Variants in OSBPL3 observed in about 807,000 individuals in gnomAD.
OSBPL3 encodes oxysterol-binding protein-related protein 3.
In OSBPL3, 65 loss-of-function variants were observed where a neutral mutation model predicts 120.1. The observed-to-expected ratio is 0.54, with a 90% confidence interval of 0.44 to 0.67. The LOEUF (loss-of-function observed/expected upper bound fraction) is 0.67. Ranked by LOEUF, OSBPL3 falls within the 30% of genes least tolerant of loss-of-function variation. OSBPL3 has a pLI of 0.00. For synonymous variants in OSBPL3, 416 were observed against 402.6 expected (o/e 1.03, Z -0.40); for missense variants, 1,004 against 1,082.1 (o/e 0.93, Z 1.01).
chr7:24,812,806 G>A (rs1033729623), intron 19 of OSBPL3, among the ~76,000 whole-genome samples: 1 of 152,120 alleles, frequency 6.6e-6, no homozygotes, highest in Non-Finnish European at 1.5e-5. Flanking sequence ...GAAATTTAAA[G>A]TTGAGCTCTC....
At position 24,964,116 on chromosome 7, in the gene OSBPL3, T is replaced by C. The variant is rs1464612499; in HGVS notation, c.-150+15770A>G. On this transcript the variant is annotated intron_variant, in intron 1 of 22. Transcript: ENST00000313367. This position sits in a 1 kb window ranked among gnomAD's most constrained non-coding sequence, Gnocchi z 4.2. ...TGGATCCACACTGATTAAAAAAAAC[T>C]GATTGAATAAACAAATGGAGAAGAA... 1.3e-5 allele frequency among the ~76,000 whole-genome samples: 2 copies of C among 151,998 alleles called. No homozygotes were observed. The highest frequency in any genetic ancestry group is 2.9e-5 in the Non-Finnish European group (2 of 67,972).
At chr7:24,919,372 A>T (rs1456205246) in intron 1 of OSBPL3, among the ~76,000 whole-genome samples, 1 of 152,112 alleles carries the variant, frequency 6.6e-6, no homozygotes, top group Non-Finnish European at 1.5e-5. Context: ...TGGTCACTTC[A>T]TTTTTGGAAA....
At chr7:24,924,298 A>C (rs1810767615) in intron 1 of OSBPL3, among the ~76,000 whole-genome samples, 1 of 152,226 alleles carries the variant, frequency 6.6e-6, no homozygotes, top group South Asian at 2.1e-4. Context: ...AGGAGGCCAC[A>C]TTTGGGTGGC....
At position 24,891,857 on chromosome 7, in the gene OSBPL3, T is replaced by C. The variant is rs10256759; in HGVS notation, c.96+520A>G. Reference sequence around the variant, plus strand: ...CCATTATAGATATAAAGCAGGTGAGTCTCGAAGCTACTAACAGGGCAATCT... The same window carrying C: ...CCATTATAGATATAAAGCAGGTGAGCCTCGAAGCTACTAACAGGGCAATCT... On this transcript the variant is annotated intron_variant, in intron 2 of 22. Coordinates refer to ENST00000313367, the MANE Select transcript of OSBPL3 (RefSeq NM_015550.4). This position sits in a 1 kb window ranked among gnomAD's most constrained non-coding sequence, Gnocchi z 4.1. Among the ~76,000 whole-genome samples the C allele has an allele frequency of 6.6e-6, 1 of 151,948 alleles. No individual in the cohort carries two copies. The highest frequency in any genetic ancestry group is 6.6e-5 in the Admixed American group (1 of 15,264).
chr7:24,889,357 G>C (rs759162303), intron 2 of OSBPL3, among the ~76,000 whole-genome samples: 2 of 152,068 alleles, frequency 1.3e-5, no homozygotes, highest in African/African-American at 2.4e-5. Context: ...TAAGTTCTGG[G>C]GATCTAATGT....
chr7:24,866,590 G>A (rs865993042), intron 5 of OSBPL3, among the ~76,000 whole-genome samples: 3 of 152,082 alleles, frequency 2.0e-5, no homozygotes, highest in Admixed American at 6.6e-5. Flanking sequence ...GCAGTGAACC[G>A]AGATTGAGCC....
chr7:24,943,963 T>A (rs1813392564), intron 1 of OSBPL3, among the ~76,000 whole-genome samples: 1 of 151,628 alleles, frequency 6.6e-6, no homozygotes, highest in Non-Finnish European at 1.5e-5. Context: ...GAATTAAGAA[T>A]CCTTTACTTA....
Position 24,806,628 on chromosome 7 carries a change from T to TA in OSBPL3, c.2444+147dup. ...TAGTTGGGCCCCATCTCCTCCGTGA[T>TA]ACAATTGTTTAAAGCATCCCCACCT... On this transcript the variant is annotated intron_variant, in intron 21 of 22. Coordinates refer to ENST00000313367, the MANE Select transcript of OSBPL3 (RefSeq NM_015550.4). This position sits in a 1 kb window ranked among gnomAD's most constrained non-coding sequence, Gnocchi z 5.2. The TA allele has an allele frequency of 1.5e-6, 1 of 653,280 alleles. No individual in the cohort carries two copies. The allele number at this position is 653,280 out of a possible 1,614,324, so 40.5% of individuals were successfully genotyped here.
At chr7:24,956,270 CA>C (rs548238077) in intron 1 of OSBPL3, among the ~76,000 whole-genome samples, 48 of 152,374 alleles carry the variant, frequency 3.2e-4, no homozygotes, top group African/African-American at 1.1e-3. Flanking sequence ...TCAAAGGTGC[CA>C]ACTGGCTCCC....
chr7:24,973,635 G>A lies in OSBPL3; in HGVS notation c.-150+6251C>T, dbSNP rs186191432. 1.9e-3 allele frequency among the ~76,000 whole-genome samples: 288 copies of A among 152,190 alleles called. 1 individual carries two copies. Among genetic ancestry groups the A allele is most frequent in the African/African-American group, 6.6e-3 (274 of 41,500 alleles). On this transcript the variant is annotated intron_variant, in intron 1 of 22. Coordinates refer to ENST00000313367, the MANE Select transcript of OSBPL3 (RefSeq NM_015550.4). ...AACTAAAGAAGCAATTCTTCACACTGCTATTCCATTTATTATTATAAAAGA... is the reference window on the plus strand; with the variant it reads ...AACTAAAGAAGCAATTCTTCACACTACTATTCCATTTATTATTATAAAAGA...
Position 24,871,983 on chromosome 7 carries a change from C to T in OSBPL3, c.183G>A (p.Lys61=). 2 of 1,614,052 alleles carry T rather than the reference C, an allele frequency of 1.2e-6. No homozygotes were observed. Among genetic ancestry groups the T allele is most frequent in the Non-Finnish European group, 1.7e-6 (2 of 1,179,958 alleles). ...PPVQKGFLLK[K]RKWPLKGWHK... is the part of the protein sequence containing the mutation. ...GCCAGCCTTTTAAGGGCCACTTCCT[C>T]TTTTTCAGCAAAAATCCTTTCTGAA... The change falls in exon 3 of 23, where the codon AAG becomes AAA. Residue 61 remains lysine, a synonymous_variant. Coordinates refer to ENST00000313367, the MANE Select transcript of OSBPL3 (RefSeq NM_015550.4). The surrounding 1 kb of genome is among the most constrained non-coding windows in gnomAD (Gnocchi z 4.8).
In OSBPL3 at chr7:24,800,049, A is replaced by C. The variant is rs1199298377; in HGVS notation, c.*134T>G. ...AACGCACTGAGGAAAATATAGACTT[A>C]AAGAGTTACAATGCTAAGCTAAGCA... is the stretch of plus-strand genomic sequence containing the variant. On this transcript the variant is annotated 3_prime_UTR_variant, in exon 23 of 23. Transcript: ENST00000313367. 1.9e-6 allele frequency: 1 copy of C among 513,244 alleles called. No homozygotes were observed. Among genetic ancestry groups the C allele is most frequent in the African/African-American group, 1.9e-5 (1 of 52,004 alleles). The allele number at this position is 513,244 out of a possible 1,614,324, so 31.8% of individuals were successfully genotyped here. A position where few individuals can be genotyped will look rare whatever the true frequency, so the allele number is the denominator to read the frequency against.
At chr7:24,945,227 G>C (rs1584699859) in intron 1 of OSBPL3, among the ~76,000 whole-genome samples, 1 of 151,958 alleles carries the variant, frequency 6.6e-6, no homozygotes, top group Non-Finnish European at 1.5e-5. Context: ...CTTTTTTCCA[G>C]GCTAAACATC....
In OSBPL3 at chr7:24,913,008, G is replaced by A. The variant is rs748248611; in HGVS notation, c.-149-20387C>T. 3.6e-4 allele frequency among the ~76,000 whole-genome samples: 55 copies of A among 152,160 alleles called. No individual in the cohort carries two copies. Among genetic ancestry groups the A allele is most frequent in the African/African-American group, 1.0e-3 (43 of 41,430 alleles). ...AAAGAACACATGGAGAGATCCATTCGGAAAAGAATGGCGACCGCCTCACCT... is the reference window on the plus strand; with the variant it reads ...AAAGAACACATGGAGAGATCCATTCAGAAAAGAATGGCGACCGCCTCACCT... On this transcript the variant is annotated intron_variant, in intron 1 of 22. Coordinates refer to ENST00000313367, the MANE Select transcript of OSBPL3 (RefSeq NM_015550.4). This position sits in a 1 kb window ranked among gnomAD's most constrained non-coding sequence, Gnocchi z 5.3.
rs1410461476 is a variant in OSBPL3 at position 24,819,561 on chromosome 7, T to C, written c.1948+614A>G. On this transcript the variant is annotated intron_variant, in intron 17 of 22. Transcript: ENST00000313367. The surrounding 1 kb of genome is among the most constrained non-coding windows in gnomAD (Gnocchi z 4.1). ...CTGCGTGTGTGTGTGTGCCTGTGTGTGTAAAGGTAACGTGTGATATCACTA... is the reference window on the plus strand; with the variant it reads ...CTGCGTGTGTGTGTGTGCCTGTGTGCGTAAAGGTAACGTGTGATATCACTA... Among the ~76,000 whole-genome samples the C allele has an allele frequency of 6.6e-6, 1 of 152,194 alleles. No homozygotes were observed. The highest frequency in any genetic ancestry group is 1.5e-5 in the Non-Finnish European group (1 of 68,036).
chr7:24,928,459 A>G (rs6953682), intron 1 of OSBPL3, among the ~76,000 whole-genome samples: 15,431 of 152,116 alleles, frequency 0.1, 850 homozygotes, highest in South Asian at 0.17. Flanking sequence ...CCAAAGTGCT[A>G]GGATTACAGG....
chr7:24,978,351 C>T (rs978668380), intron 1 of OSBPL3, among the ~76,000 whole-genome samples: 3 of 152,206 alleles, frequency 2.0e-5, no homozygotes, highest in Non-Finnish European at 4.4e-5. Context: ...TACTGCAAAC[C>T]TACTGCGTGT....
At position 24,852,971 on chromosome 7, in the gene OSBPL3, A is replaced by G. The variant is rs1234792647; in HGVS notation, c.1028-337T>C. 6.6e-6 allele frequency among the ~76,000 whole-genome samples: 1 copy of G among 152,192 alleles called. No homozygotes were observed. The highest frequency in any genetic ancestry group is 1.5e-5 in the Non-Finnish European group (1 of 68,032). ...TCTGCACTTTTGGTTCAATTTTGCT[A>G]TGGACCTAAAACTGCTAGAAAAAAT... On this transcript the variant is annotated intron_variant, in intron 10 of 22. Coordinates refer to ENST00000313367, the MANE Select transcript of OSBPL3 (RefSeq NM_015550.4). This position sits in a 1 kb window ranked among gnomAD's most constrained non-coding sequence, Gnocchi z 4.1.
At chr7:24,923,313 A>C (rs1440218793) in intron 1 of OSBPL3, among the ~76,000 whole-genome samples, 2 of 152,070 alleles carry the variant, frequency 1.3e-5, no homozygotes, top group Non-Finnish European at 2.9e-5. Context: ...TCTCAGGGTG[A>C]ATCAGCATCC....
Sources: gnomAD v4.1 joint callset for allele counts (sites outside exome capture counted in the v4.1 genomes callset) on GRCh38, gnomAD v4.1.1 for gene constraint, Gnocchi (gnomAD v3.1) non-coding constraint, MANE v1.5 for transcripts, NCBI Gene and HGNC (gene_info 2026-07-23, HGNC 2026-07-21) for gene names.